The following SS18L2 variants were observed in gnomAD, a reference collection of about 807,000 sequenced individuals.
SS18L2 encodes the protein SS18 like 2, also known as SS18-like protein 2.
SS18L2 carries 8 observed loss-of-function variants against 10.3 expected under a neutral mutation model. That is an observed-to-expected ratio of 0.78 (90% CI 0.46 to 1.41). SS18L2 has a LOEUF of 1.41. Among genes scored for constraint, SS18L2 ranks in the 40% most tolerant of loss-of-function variants. The pLI, the probability that SS18L2 is intolerant of heterozygous loss-of-function variation, is 0.00. For synonymous variants in SS18L2, 41 were observed against 34.6 expected (o/e 1.19, Z -0.65); for missense variants, 100 against 96.2 (o/e 1.04, Z -0.17).
chr3:42,583,809 C>A (rs982199044), intron 1 of SS18L2, among the ~76,000 whole-genome samples: 3 of 152,140 alleles, frequency 2.0e-5, no homozygotes, highest in African/African-American at 7.2e-5. Flanking sequence ...TCAGAATTCC[C>A]CGTTCCCCTA....
chr3:42,594,169 A>T (rs895689625), intron 2 of SS18L2, among the ~76,000 whole-genome samples: 6 of 152,266 alleles, frequency 3.9e-5, no homozygotes, highest in Admixed American at 3.9e-4. Context: ...GTGCGCAAAG[A>T]TAGATCTGGG....
chr3:42,583,947 G>A (rs1704522983), intron 1 of SS18L2, among the ~76,000 whole-genome samples: 1 of 152,182 alleles, frequency 6.6e-6, no homozygotes, highest in Non-Finnish European at 1.5e-5. Flanking sequence ...CCTTGGACTG[G>A]GAGATACACC....
rs533989880 is a variant in SS18L2, at chr3:42,583,010, T to A, written c.-90+1052T>A. ...ATCTGCACACTTAAAAATGGTTATGTACATTTTACCACAAAAAGAAAAGAA... is the reference window on the plus strand; with the variant it reads ...ATCTGCACACTTAAAAATGGTTATGAACATTTTACCACAAAAAGAAAAGAA... On this transcript the variant is annotated intron_variant, in intron 1 of 3. Transcript: ENST00000447630. 1.2e-4 allele frequency among the ~76,000 whole-genome samples: 19 copies of A among 152,320 alleles called. No homozygotes were observed. The East Asian group carries it at 3.7e-3, about 29-fold the overall frequency.
At chr3:42,583,588 G>A (rs529128842) in intron 1 of SS18L2, among the ~76,000 whole-genome samples, 1 of 152,270 alleles carries the variant, frequency 6.6e-6, no homozygotes, top group Admixed American at 6.5e-5. Flanking sequence ...ACCTGACTAG[G>A]TTAAGGGATA....
chr3:42,583,005 T>A (rs926558166), intron 1 of SS18L2, among the ~76,000 whole-genome samples: 8 of 152,178 alleles, frequency 5.3e-5, no homozygotes, highest in African/African-American at 1.9e-4. Flanking sequence ...TTAAAAATGG[T>A]TATGTACATT....
rs762134766 is a variant in SS18L2, at chr3:42,594,537, C to T, written c.*28C>T. ...TTTCAAAAGCAATAGAATAATCTTC[C>T]ATTTGGCTGTCGTGAGGAGTAATTG... On this transcript the variant is annotated 3_prime_UTR_variant, in exon 3 of 3. Transcript: ENST00000011691. 153 of 1,591,258 alleles carry T rather than the reference C, an allele frequency of 9.6e-5. No individual in the cohort carries two copies. Among genetic ancestry groups the T allele is most frequent in the Middle Eastern group, 1.8e-4 (1 of 5,672 alleles).
Position 42,594,487 on chromosome 3 carries a change from G to C in SS18L2, c.212G>C (p.Ser71Thr). ...ACCATTGCAGATGCCAGTCCAACCA[G>C]CACTTCAAAAGCAATGGAATAATCT... The part of the protein sequence containing the change: ...LATIADASPT[S>T]TSKAME The change falls in exon 3 of 3, where the codon AGC (serine) becomes ACC (threonine). Residue 71 changes from serine to threonine, a missense_variant. Coordinates refer to ENST00000011691, the MANE Select transcript of SS18L2 (RefSeq NM_001370300.1). The C allele has an allele frequency of 6.2e-7, 1 of 1,613,826 alleles. No individual in the cohort carries two copies. Among genetic ancestry groups the C allele is most frequent in the Non-Finnish European group, 8.5e-7 (1 of 1,179,758 alleles).
chr3:42,591,068 CTG>C (rs1167657210), intron 1 of SS18L2, 102 bp downstream of exon 1: 6 of 1,328,674 alleles, frequency 4.5e-6, no homozygotes, highest in African/African-American at 4.4e-5. Flanking sequence ...TCCCAGCTGA[CTG>C]TGAAGGGTGC....
upstream of SS18L2, among the ~76,000 whole-genome samples, chr3:42,588,479 G>C (rs374632730): frequency 1.5e-4 from 23 of 152,214 alleles, no homozygotes; most frequent in East Asian, 2.7e-3. Flanking sequence ...CTCCATTTCA[G>C]AGCCATAAAC....
At chr3:42,590,807 A>G (rs1577372691), upstream of SS18L2, 1 of 1,299,448 alleles carries the variant, frequency 7.7e-7, no homozygotes, top group South Asian at 1.2e-5. Flanking sequence ...CCCGCCCTGT[A>G]GGCGGGAGCA....
Position 42,595,762 on chromosome 3 carries a change from C to T in SS18L2, c.*1253C>T, listed in dbSNP as rs1194523728. On this transcript the variant is annotated 3_prime_UTR_variant, in exon 3 of 3. Transcript: ENST00000011691. ...CTCCTTTTTTTGGAGTCAAGGGTTG[C>T]AACCTAGGGCAACTGTAAAATACAT... Among the ~76,000 whole-genome samples, 2 of 152,208 alleles carry T rather than the reference C, an allele frequency of 1.3e-5. No homozygotes were observed. The highest frequency in any genetic ancestry group is 2.9e-5 in the Non-Finnish European group (2 of 68,034).
chr3:42,594,644 C>A lies in SS18L2; in HGVS notation c.*135C>A. 1 of 658,554 alleles carries A rather than the reference C, an allele frequency of 1.5e-6. No homozygotes were observed. Among genetic ancestry groups the A allele is most frequent in the Non-Finnish European group, 2.6e-6 (1 of 388,418 alleles). The allele number at this position is 658,554 out of a possible 1,614,324, so 40.8% of individuals were successfully genotyped here. On this transcript the variant is annotated 3_prime_UTR_variant, in exon 3 of 3. Coordinates refer to ENST00000011691, the MANE Select transcript of SS18L2 (RefSeq NM_001370300.1). ...AAACATGAATGAAACCTCTGTGGCT[C>A]TTTCGAAACGTGAAAATGTGAAGAA...
At chr3:42,590,796 C>A (rs1704796354), upstream of SS18L2, 1 of 1,212,310 alleles carries the variant, frequency 8.2e-7, no homozygotes, top group Non-Finnish European at 1.2e-6. Context: ...CCCTTCTGTA[C>A]CCCGCCCTGT....
upstream of SS18L2, among the ~76,000 whole-genome samples, chr3:42,590,319 G>A (rs1704774634): frequency 6.6e-6 from 1 of 152,182 alleles, no homozygotes; most frequent in Non-Finnish European, 1.5e-5. Context: ...GTATCTGGGT[G>A]CCAGACACGC....
chr3:42,584,740 T>C (rs1704555475), intron 1 of SS18L2, among the ~76,000 whole-genome samples: 1 of 152,208 alleles, frequency 6.6e-6, no homozygotes. Flanking sequence ...GAGTCTCTGA[T>C]AATGAGGGTA....
intron 2 of SS18L2, among the ~76,000 whole-genome samples, chr3:42,593,446 T>G (rs1158812677): frequency 6.6e-6 from 1 of 152,082 alleles, no homozygotes; most frequent in Non-Finnish European, 1.5e-5. Flanking sequence ...GTATATGATA[T>G]GGAAGGCTGT....
At chr3:42,591,200 C>CT in intron 1 of SS18L2, 1 of 460,076 alleles carries the variant, frequency 2.2e-6, no homozygotes, top group Non-Finnish European at 3.6e-6. Context: ...CCCTTTCTCT[C>CT]CTTTTTTTTT....
intron 1 of SS18L2, 29 bp from the exon 2 acceptor site, chr3:42,591,496 A>G (rs1252448616): frequency 6.3e-7 from 1 of 1,582,356 alleles, no homozygotes; most frequent in South Asian, 1.1e-5. Context: ...CCCGGCCTGC[A>G]CTGACCCTTT....
chr3:42,582,886 C>T (rs1704471631), intron 1 of SS18L2, among the ~76,000 whole-genome samples: 1 of 152,172 alleles, frequency 6.6e-6, no homozygotes, highest in African/African-American at 2.4e-5. Flanking sequence ...AAAGTTAGTG[C>T]TTAATAGGTA....
Sources: allele counts gnomAD v4.1 joint callset (sites outside exome capture counted in the v4.1 genomes callset), GRCh38; gene constraint gnomAD v4.1.1; transcripts MANE v1.5; gene names NCBI Gene and HGNC (gene_info 2026-07-23, HGNC 2026-07-21).